DNM2: variants seen among roughly 807,000 people sequenced by gnomAD.
DNM2 encodes dynamin-2.
A neutral mutation model predicts 99.0 loss-of-function variants in DNM2; 15 were observed. The ratio of observed to expected loss-of-function variants is 0.15; its 90% confidence interval spans 0.10 to 0.23. The LOEUF is 0.23. Ranked by LOEUF, DNM2 falls within the 10% of genes least tolerant of loss-of-function variation. The probability of loss-of-function intolerance (pLI) is 1.00; values close to 1 mark genes in which losing one functional copy is unlikely to be tolerated. For missense variants in DNM2, 742 were observed against 1,189.4 expected (o/e 0.62, Z 5.53); for synonymous variants, 525 against 481.2 (o/e 1.09, Z -1.19).
chr19:10,740,676 C>CA, intron 1 of DNM2, among the ~76,000 whole-genome samples: 1 of 152,232 alleles, frequency 6.6e-6, no homozygotes. Context: ...CGCGCCCGGC[C>CA]AAAATCTTCC....
chr19:10,798,278 C>T, intron 10 of DNM2: 1 of 597,002 alleles, frequency 1.7e-6, no homozygotes, highest in Non-Finnish European at 3.0e-6. Context: ...CAGCTCTGCT[C>T]TCCTGCTGTC....
At chr19:10,781,314 G>A (rs950820922) in intron 5 of DNM2, 1 of 152,214 alleles carries the variant, frequency 6.6e-6, no homozygotes, top group Non-Finnish European at 1.5e-5. Flanking sequence ...TTCAGATCTT[G>A]GGTCTCCTAC....
intron 1 of DNM2, among the ~76,000 whole-genome samples, chr19:10,740,668 C>T (rs779837986): frequency 1.2e-4 from 19 of 152,216 alleles, no homozygotes; most frequent in Non-Finnish European, 2.4e-4. Context: ...TAAGCCACCG[C>T]GCCCGGCCAA....
At chr19:10,776,131 C>G (rs903271409) in intron 4 of DNM2, among the ~76,000 whole-genome samples, 7 of 152,250 alleles carry the variant, frequency 4.6e-5, no homozygotes, top group African/African-American at 1.4e-4. Context: ...ATGGCAGTGC[C>G]CATGTTGCCA....
chr19:10,766,542 G>A (rs1191401433), intron 2 of DNM2, among the ~76,000 whole-genome samples: 2 of 152,118 alleles, frequency 1.3e-5, no homozygotes, highest in East Asian at 3.9e-4. Flanking sequence ...GTTCCTGGGA[G>A]TGATGTCCTC....
chr19:10,782,493 G>A (rs1423351387), intron 5 of DNM2, among the ~76,000 whole-genome samples: 1 of 151,904 alleles, frequency 6.6e-6, no homozygotes, highest in Non-Finnish European at 1.5e-5. Flanking sequence ...CGAGTACCTG[G>A]GACTATAGTC....
chr19:10,829,424 G>A (rs1009973979), intron 19 of DNM2, among the ~76,000 whole-genome samples, 156 bp downstream of exon 19: 10 of 152,332 alleles, frequency 6.6e-5, no homozygotes, highest in African/African-American at 2.4e-4. Flanking sequence ...TGAGGCCGGA[G>A]GAGGGAGAGA....
At chr19:10,724,754 G>A (rs1296422885) in intron 1 of DNM2, among the ~76,000 whole-genome samples, 1 of 152,226 alleles carries the variant, frequency 6.6e-6, no homozygotes, top group Non-Finnish European at 1.5e-5. Flanking sequence ...ACCTGGCCAA[G>A]CTGAGGGCTC....
At chr19:10,759,608 C>T (rs1311286218) in intron 1 of DNM2, 130 bp from the exon 2 acceptor site, 9 of 1,058,592 alleles carry the variant, frequency 8.5e-6, no homozygotes, top group African/African-American at 3.1e-5. Context: ...CCCCAGGGCC[C>T]AGCTGGGGTT....
intron 1 of DNM2, among the ~76,000 whole-genome samples, chr19:10,733,729 G>A (rs751452020): frequency 1.7e-4 from 26 of 151,966 alleles, no homozygotes; most frequent in Admixed American, 4.6e-4. Context: ...GAATGAGGCC[G>A]GACATGGTGG....
intron 8 of DNM2, 75 bp downstream of exon 8, chr19:10,793,930 C>T (rs1475044900): frequency 1.2e-6 from 2 of 1,611,542 alleles, no homozygotes; most frequent in African/African-American, 2.7e-5. Flanking sequence ...AGGCCTCCTC[C>T]CAGGCAATAA....
At chr19:10,745,265 G>T (rs1254722231) in intron 1 of DNM2, among the ~76,000 whole-genome samples, 1 of 152,194 alleles carries the variant, frequency 6.6e-6, no homozygotes, top group Non-Finnish European at 1.5e-5. Context: ...GATTTAGCCA[G>T]TTCCCTGCCA....
chr19:10,823,933 C>G lies in DNM2; in HGVS notation c.1893+34C>G, dbSNP rs755372014. ...CCGTCCTGCGCAGCCAGGCCCAGAG[C>G]CCCCACCTGGGAGAGGAAGCAGGGC... On this transcript the variant is annotated intron_variant, in intron 17 of 20. Coordinates refer to ENST00000389253, the MANE Select transcript of DNM2 (RefSeq NM_001005361.3). 10 of 1,598,534 alleles carry G rather than the reference C, an allele frequency of 6.3e-6. No homozygotes were observed. The Admixed American group carries it at 6.7e-5, about 11-fold the overall frequency.
intron 11 of DNM2, among the ~76,000 whole-genome samples, chr19:10,801,960 A>G (rs183560538): frequency 3.0e-3 from 448 of 151,858 alleles, no homozygotes; most frequent in African/African-American, 0.011. Context: ...AACCCTTGGC[A>G]GTTGGGCCTC....
rs1331539307 is a variant in DNM2 at position 10,817,069 on chromosome 19, A to C, written c.1672-2911A>C. The stretch of plus-strand genomic sequence containing the variant: ...GGAACCTGACCCCCGCCACCACCCA[A>C]GTTAGGATCCCAGCAGGGACCCTTG... On this transcript the variant is annotated intron_variant, in intron 15 of 20. Transcript: ENST00000389253. The surrounding 1 kb of genome is among the most constrained non-coding windows in gnomAD (Gnocchi z 4.6). 6.6e-6 allele frequency among the ~76,000 whole-genome samples: 1 copy of C among 152,190 alleles called. No individual in the cohort carries two copies. Among genetic ancestry groups the C allele is most frequent in the Non-Finnish European group, 1.5e-5 (1 of 68,018 alleles).
chr19:10,760,219 T>C (rs1471339105), intron 2 of DNM2, among the ~76,000 whole-genome samples: 2 of 151,572 alleles, frequency 1.3e-5, no homozygotes, highest in African/African-American at 2.4e-5. Flanking sequence ...TTTTGTATTT[T>C]TAGTAGAGAC....
chr19:10,738,780 G>T (rs992938708), intron 1 of DNM2, among the ~76,000 whole-genome samples: 2 of 151,544 alleles, frequency 1.3e-5, no homozygotes, highest in Non-Finnish European at 2.9e-5. Context: ...TAAGGCAGGA[G>T]AAGTGCCTGA....
chr19:10,822,372 TAG>T (rs1266821451), intron 16 of DNM2, among the ~76,000 whole-genome samples: 2 of 151,636 alleles, frequency 1.3e-5, no homozygotes, highest in Non-Finnish European at 1.5e-5. Context: ...GTATTTTCTG[TAG>T]AGATGGGGGT....
At chr19:10,779,502 C>CTTTCTT (rs1290878626) in intron 5 of DNM2, among the ~76,000 whole-genome samples, 10 of 29,626 alleles carry the variant, frequency 3.4e-4, no homozygotes, top group East Asian at 2.3e-3. Flanking sequence ...TTCTTTCTTT[C>CTTTCTT]TTTTTTTTTT....
Sources: gnomAD v4.1 joint callset for allele counts (sites outside exome capture counted in the v4.1 genomes callset) on GRCh38, gnomAD v4.1.1 for gene constraint, Gnocchi (gnomAD v3.1) non-coding constraint, MANE v1.5 for transcripts, NCBI Gene and HGNC (gene_info 2026-07-23, HGNC 2026-07-21) for gene names.